Variants in ANKRD18A observed in about 807,000 individuals in gnomAD.
ANKRD18A encodes ankyrin repeat domain-containing protein 18A.
ANKRD18A carries 72 observed loss-of-function variants against 110.6 expected under a neutral mutation model. That is an observed-to-expected ratio of 0.65 (90% confidence interval 0.54 to 0.79). The LOEUF (loss-of-function observed/expected upper bound fraction) is 0.79. Ranked by LOEUF, ANKRD18A falls within the 30% of genes least tolerant of loss-of-function variation. The pLI is 0.00. For synonymous variants in ANKRD18A, 305 were observed against 410.3 expected, an observed-to-expected ratio of 0.74 and a Z score of 3.10; for missense variants, 934 against 1,163.3, an observed-to-expected ratio of 0.80 and a Z score of 2.87.
intron 1 of ANKRD18A, among the ~76,000 whole-genome samples, chr9:38,617,016 A>G (rs879214258): frequency 2.0e-5 from 3 of 152,264 alleles, no homozygotes; most frequent in Admixed American, 2.0e-4. Flanking sequence ...CTGTATACAC[A>G]GCAGGTCTAG....
intron 10 of ANKRD18A, among the ~76,000 whole-genome samples, chr9:38,592,943 G>A (rs1019558336): frequency 6.6e-6 from 1 of 152,212 alleles, no homozygotes; most frequent in African/African-American, 2.4e-5. Flanking sequence ...GACATGGAGT[G>A]GGGTTGCAGT....
chr9:38,612,385 A>T (rs1481233379), intron 3 of ANKRD18A, among the ~76,000 whole-genome samples: 4 of 151,366 alleles, frequency 2.6e-5, no homozygotes, highest in African/African-American at 7.3e-5. Flanking sequence ...ATTTAACATT[A>T]TTTTTTTTAC....
At chr9:38,573,845 T>A (rs1211937292) in intron 15 of ANKRD18A, among the ~76,000 whole-genome samples, 1 of 152,352 alleles carries the variant, frequency 6.6e-6, no homozygotes, top group South Asian at 2.1e-4. Context: ...AATAAATTTT[T>A]TCTTAAAAAG....
chr9:38,619,265 C>T (rs954855135), intron 1 of ANKRD18A, among the ~76,000 whole-genome samples: 2 of 151,964 alleles, frequency 1.3e-5, no homozygotes, highest in Non-Finnish European at 2.9e-5. Context: ...CCCATTTTTG[C>T]GACATAAAGT....
At chr9:38,570,652 C>T (rs1385942613), downstream of ANKRD18A, among the ~76,000 whole-genome samples, 4 of 152,232 alleles carry the variant, frequency 2.6e-5, no homozygotes, top group African/African-American at 7.2e-5. Context: ...TGACGAGGCC[C>T]TTGAGCAGCT....
chr9:38,584,634 T>A (rs1003840571), intron 12 of ANKRD18A, among the ~76,000 whole-genome samples: 1 of 152,210 alleles, frequency 6.6e-6, no homozygotes, highest in Non-Finnish European at 1.5e-5. Flanking sequence ...TCGTTTCAGA[T>A]CACTGGCCAG....
intron 11 of ANKRD18A, among the ~76,000 whole-genome samples, chr9:38,586,994 T>C (rs1824414938): frequency 1.3e-5 from 2 of 151,896 alleles, no homozygotes; most frequent in African/African-American, 4.8e-5. Context: ...AAAACACATA[T>C]ATGTTTGAAA....
At chr9:38,617,655 CT>C (rs1428347030) in intron 1 of ANKRD18A, among the ~76,000 whole-genome samples, 1 of 152,080 alleles carries the variant, frequency 6.6e-6, no homozygotes, top group Non-Finnish European at 1.5e-5. Flanking sequence ...TTCAGAAAGG[CT>C]TTTGCTTGAA....
In ANKRD18A at chr9:38,611,986, C is replaced by G. The variant is rs549140986; in HGVS notation, c.496-665G>C. 1.4e-4 allele frequency among the ~76,000 whole-genome samples: 22 copies of G among 152,270 alleles called. No homozygotes were observed. In the East Asian group the frequency reaches 3.9e-3, roughly 27 times the overall value. On this transcript the variant is annotated intron_variant, in intron 3 of 15. Coordinates refer to ENST00000399703, the MANE Select transcript of ANKRD18A (RefSeq NM_147195.4). Reference sequence around the variant, plus strand: ...ATACAGTTGCCAGAGCTTCCCAATACAAGTGGAGGTTTCCTCTGGGTGGCA... The same window carrying G: ...ATACAGTTGCCAGAGCTTCCCAATAGAAGTGGAGGTTTCCTCTGGGTGGCA...
At chr9:38,619,724 G>T (rs1826005322) in intron 1 of ANKRD18A, among the ~76,000 whole-genome samples, 1 of 152,126 alleles carries the variant, frequency 6.6e-6, no homozygotes, top group South Asian at 2.1e-4. Context: ...GTCTACCTAG[G>T]TGGATTCGGA....
At position 38,595,966 on chromosome 9, in the gene ANKRD18A, C is replaced by T; in HGVS notation, c.1374G>A (p.Met458Ile). The part of the protein sequence containing the change: ...RADDVSRHEK[M>I]GSNISQLTDK... Reference sequence around the variant, plus strand: ...CTGTTAGTTGAGAAATATTAGAACCCATTTTTTCATGTCTAGAAACATCAT... The same window carrying T: ...CTGTTAGTTGAGAAATATTAGAACCTATTTTTTCATGTCTAGAAACATCAT... Residue 458 changes from methionine (M) to isoleucine (I), a missense_variant, in exon 9 of 16, where the codon ATG (methionine) becomes ATA (isoleucine). Met to Ile is a conservative substitution (Grantham distance 10). Transcript: ENST00000399703. The T allele has an allele frequency of 1.3e-6, 2 of 1,550,050 alleles. No homozygotes were observed. The highest frequency in any genetic ancestry group is 8.7e-7 in the Non-Finnish European group (1 of 1,146,376).
downstream of ANKRD18A, among the ~76,000 whole-genome samples, chr9:38,570,645 C>T (rs2381854): frequency 5.9e-5 from 9 of 152,340 alleles, no homozygotes; most frequent in South Asian, 4.1e-4. Context: ...GGTCCACTGA[C>T]GAGGCCCTTG....
At chr9:38,617,815 C>G (rs1268038847) in intron 1 of ANKRD18A, among the ~76,000 whole-genome samples, 6 of 152,050 alleles carry the variant, frequency 3.9e-5, no homozygotes, top group Non-Finnish European at 1.5e-5. Flanking sequence ...ATAACATATT[C>G]GAGTTATGTT....
intron 3 of ANKRD18A, among the ~76,000 whole-genome samples, chr9:38,613,234 A>C (rs1394244575): frequency 6.6e-6 from 1 of 150,820 alleles, no homozygotes; most frequent in Admixed American, 6.6e-5. Context: ...CAGACCAAGC[A>C]GTGATGTGGT....
chr9:38,620,457 C>G lies in ANKRD18A; in HGVS notation c.-172G>C, dbSNP rs1174696041. The stretch of plus-strand genomic sequence containing the variant: ...ATCCACCCCCAAACCCGCAATGTAG[C>G]TCAGAATCCGCGATCCAGCCCGGTC... On this transcript the variant is annotated 5_prime_UTR_variant, in exon 1 of 16. Transcript: ENST00000399703. 1 of 1,431,252 alleles carries G rather than the reference C, an allele frequency of 7.0e-7. No individual in the cohort carries two copies. The allele number at this position is 1,431,252 out of a possible 1,614,324, so 88.7% of individuals were successfully genotyped here.
chr9:38,573,630 G>T (rs184805277), intron 15 of ANKRD18A, among the ~76,000 whole-genome samples: 59 of 152,118 alleles, frequency 3.9e-4, no homozygotes, highest in Middle Eastern at 3.4e-3. Context: ...CAGGAAAATG[G>T]CTTGAACCCA....
At chr9:38,618,921 T>C (rs1355352049) in intron 1 of ANKRD18A, among the ~76,000 whole-genome samples, 1 of 149,450 alleles carries the variant, frequency 6.7e-6, no homozygotes, top group African/African-American at 2.4e-5. Context: ...CTTATACATA[T>C]AATCAGTAAT....
At chr9:38,620,019 C>G (rs1370232146) in intron 1 of ANKRD18A, 61 bp downstream of exon 1, 5 of 1,535,488 alleles carry the variant, frequency 3.3e-6, no homozygotes, top group Middle Eastern at 2.3e-4. Context: ...CAGGGGCTGC[C>G]GGGCTGCAGG....
chr9:38,577,045 T>C lies in ANKRD18A; in HGVS notation c.2741+8A>G. ...ATTCATTTTCTATGAGTGTATGTTT[T>C]GACTTACTTCATTAATTTTTTTGAC... On this transcript the variant is annotated splice_region_variant and intron_variant, in intron 14 of 15. Transcript: ENST00000399703. The C allele has an allele frequency of 6.5e-7, 1 of 1,543,432 alleles. No individual in the cohort carries two copies. Among genetic ancestry groups the C allele is most frequent in the Non-Finnish European group, 8.7e-7 (1 of 1,144,848 alleles).
Sources: gnomAD v4.1 joint callset for allele counts (sites outside exome capture counted in the v4.1 genomes callset) on GRCh38, gnomAD v4.1.1 for gene constraint, MANE v1.5 for transcripts, NCBI Gene and HGNC (gene_info 2026-07-23, HGNC 2026-07-21) for gene names.